The following PCP4 variants were observed in gnomAD, a reference collection of about 807,000 sequenced individuals.
The protein encoded by PCP4 is calmodulin regulator protein PCP4.
PCP4 carries 8 observed loss-of-function variants against 10.0 expected under a neutral mutation model. The ratio of observed to expected loss-of-function variants is 0.80; its 90% CI spans 0.47 to 1.45. The LOEUF (loss-of-function observed/expected upper bound fraction) is 1.45, where lower values mean the gene tolerates loss of function less well. Among genes scored for constraint, PCP4 ranks in the 40% most tolerant of loss-of-function variants. The pLI is 0.00. For synonymous variants in PCP4, 21 were observed against 23.0 expected (o/e 0.91, Z 0.24); for missense variants, 54 against 74.4 (o/e 0.73, Z 1.01).
intron 1 of PCP4, among the ~76,000 whole-genome samples, chr21:39,878,265 T>C (rs1029793391): frequency 1.3e-5 from 2 of 152,214 alleles, no homozygotes; most frequent in Admixed American, 1.3e-4. Flanking sequence ...AAGATGCTAA[T>C]GGGTAACCTT....
chr21:39,896,448 CT>C (rs551377969), intron 1 of PCP4, among the ~76,000 whole-genome samples: 90 of 152,210 alleles, frequency 5.9e-4, no homozygotes, highest in African/African-American at 2.0e-3. Flanking sequence ...ACGTACGAGC[CT>C]TGTGTTTAAA....
intron 1 of PCP4, among the ~76,000 whole-genome samples, chr21:39,894,411 A>T (rs1335581312): frequency 1.3e-5 from 2 of 152,256 alleles, no homozygotes; most frequent in Admixed American, 1.3e-4. Context: ...ATGCATATTC[A>T]TGAAGCTCTC....
At chr21:39,927,326 T>TATCATC (rs879841130) in intron 2 of PCP4, among the ~76,000 whole-genome samples, 1 of 83,496 alleles carries the variant, frequency 1.2e-5, no homozygotes, top group East Asian at 2.9e-4. Flanking sequence ...ATCTATCATC[T>TATCATC]ATCTATCTAT....
intron 1 of PCP4, among the ~76,000 whole-genome samples, chr21:39,884,942 A>G (rs1224269496): frequency 1.3e-5 from 2 of 152,220 alleles, no homozygotes; most frequent in East Asian, 3.9e-4. Context: ...AAATAAGCCC[A>G]ATTACGATGC....
At chr21:39,916,383 G>A (rs1447765247) in intron 2 of PCP4, among the ~76,000 whole-genome samples, 3 of 152,168 alleles carry the variant, frequency 2.0e-5, no homozygotes, top group African/African-American at 7.2e-5. Context: ...TATGGCTATA[G>A]GAGGTGGTGG....
At chr21:39,882,271 G>A (rs768954856) in intron 1 of PCP4, among the ~76,000 whole-genome samples, 10 of 152,150 alleles carry the variant, frequency 6.6e-5, no homozygotes, top group Non-Finnish European at 1.3e-4. Context: ...GGTACATTAC[G>A]CTTGGCTCAA....
intron 1 of PCP4, among the ~76,000 whole-genome samples, chr21:39,897,401 A>T (rs1259703689): frequency 6.6e-6 from 1 of 151,814 alleles, no homozygotes; most frequent in Non-Finnish European, 1.5e-5. Flanking sequence ...AAAAAAAAAA[A>T]AAAGTTAGAG....
At chr21:39,919,219 C>G (rs757500895) in intron 2 of PCP4, among the ~76,000 whole-genome samples, 1 of 152,144 alleles carries the variant, frequency 6.6e-6, no homozygotes, top group Non-Finnish European at 1.5e-5. Context: ...TCGGTGTGGC[C>G]GAGGGGATCC....
At chr21:39,875,592 T>C (rs1470661644) in intron 1 of PCP4, among the ~76,000 whole-genome samples, 1 of 152,238 alleles carries the variant, frequency 6.6e-6, no homozygotes, top group African/African-American at 2.4e-5. Context: ...TTGCCTTCTA[T>C]GACTTTCCAC....
intron 2 of PCP4, among the ~76,000 whole-genome samples, chr21:39,925,468 T>A (rs893675985): frequency 1.3e-5 from 2 of 152,256 alleles, no homozygotes; most frequent in Non-Finnish European, 2.9e-5. Context: ...CTATGTAAGC[T>A]GTTGGAACAA....
At chr21:39,878,517 A>G (rs941411978) in intron 1 of PCP4, among the ~76,000 whole-genome samples, 1 of 152,226 alleles carries the variant, frequency 6.6e-6, no homozygotes, top group Non-Finnish European at 1.5e-5. Flanking sequence ...ACATCAATGA[A>G]TATTTGGGCT....
At chr21:39,904,430 G>A (rs2087496813) in intron 2 of PCP4, among the ~76,000 whole-genome samples, 1 of 152,200 alleles carries the variant, frequency 6.6e-6, no homozygotes, top group Admixed American at 6.5e-5. Context: ...GCAAGGCTGG[G>A]CATCAGCTTG....
At chr21:39,926,666 A>T (rs1038562872) in intron 2 of PCP4, among the ~76,000 whole-genome samples, 4 of 152,226 alleles carry the variant, frequency 2.6e-5, no homozygotes, top group Non-Finnish European at 4.4e-5. Flanking sequence ...TATTGCCATG[A>T]GCACAAACAC....
chr21:39,896,775 T>A (rs1020222547), intron 1 of PCP4, among the ~76,000 whole-genome samples: 1 of 152,214 alleles, frequency 6.6e-6, no homozygotes, highest in East Asian at 1.9e-4. Flanking sequence ...AATTAAGGGT[T>A]GACAAATGAC....
chr21:39,907,658 G>C (rs2299767), intron 2 of PCP4, among the ~76,000 whole-genome samples: 1 of 152,028 alleles, frequency 6.6e-6, no homozygotes, highest in Non-Finnish European at 1.5e-5. Context: ...TTATCTGGGC[G>C]TGGTGGCGGG....
chr21:39,873,561 C>G (rs138050581), intron 1 of PCP4, among the ~76,000 whole-genome samples: 1 of 152,004 alleles, frequency 6.6e-6, no homozygotes, highest in South Asian at 2.1e-4. Flanking sequence ...GTCCATATCC[C>G]CATGTGATTA....
At chr21:39,918,173 A>G (rs2087578139) in intron 2 of PCP4, among the ~76,000 whole-genome samples, 1 of 152,226 alleles carries the variant, frequency 6.6e-6, no homozygotes, top group African/African-American at 2.4e-5. Context: ...TTGCCTTTTC[A>G]ACAGAAAAAT....
At chr21:39,913,041 G>T (rs1375681998) in intron 2 of PCP4, among the ~76,000 whole-genome samples, 1 of 152,006 alleles carries the variant, frequency 6.6e-6, no homozygotes, top group Non-Finnish European at 1.5e-5. Context: ...TTGAGTCCAG[G>T]TTACTATATG....
At chr21:39,926,790 C>T (rs2087623664) in intron 2 of PCP4, among the ~76,000 whole-genome samples, 1 of 152,214 alleles carries the variant, frequency 6.6e-6, no homozygotes, top group South Asian at 2.1e-4. Context: ...GAAACTTTTA[C>T]TTCTCCCAGT....
Sources: allele counts gnomAD v4.1 joint callset (sites outside exome capture counted in the v4.1 genomes callset), GRCh38; gene constraint gnomAD v4.1.1; transcripts MANE v1.5; gene names NCBI Gene and HGNC (gene_info 2026-07-23, HGNC 2026-07-21).